SLC8A3: variants seen among roughly 807,000 people sequenced by gnomAD.
The protein encoded by SLC8A3 is solute carrier family 8 member A3, also known as sodium/calcium exchanger 3.
In SLC8A3, 37 loss-of-function variants were observed where a neutral mutation model predicts 65.4. The observed-to-expected ratio is 0.57, with a 90% CI of 0.44 to 0.74. The LOEUF (loss-of-function observed/expected upper bound fraction) is 0.74. SLC8A3 is among the 30% of genes least tolerant of loss of function. SLC8A3 has a pLI of 0.00. For missense variants in SLC8A3, 1,112 were observed against 1,172.1 expected, an observed-to-expected ratio of 0.95 and a Z score of 0.75; for synonymous variants, 461 against 444.5, an observed-to-expected ratio of 1.04 and a Z score of -0.47.
intron 2 of SLC8A3, among the ~76,000 whole-genome samples, chr14:70,147,185 T>C (rs1459510756): frequency 6.6e-6 from 1 of 152,092 alleles, no homozygotes; most frequent in African/African-American, 2.4e-5. Context: ...GCAGGATAGG[T>C]GAAAAACAAA....
At chr14:70,180,235 C>G (rs1206164615) in intron 1 of SLC8A3, among the ~76,000 whole-genome samples, 2 of 152,156 alleles carry the variant, frequency 1.3e-5, no homozygotes, top group Non-Finnish European at 2.9e-5. Context: ...TCTCCAGAAG[C>G]CAGATGTATT....
intron 2 of SLC8A3, among the ~76,000 whole-genome samples, chr14:70,118,621 G>A (rs1364012726): frequency 5.9e-5 from 9 of 152,198 alleles, no homozygotes; most frequent in Admixed American, 5.9e-4. Flanking sequence ...CACATAAAAT[G>A]AGAAATCCTT....
At chr14:70,098,634 TG>T (rs1475690345) in intron 2 of SLC8A3, among the ~76,000 whole-genome samples, 1 of 152,144 alleles carries the variant, frequency 6.6e-6, no homozygotes, top group Non-Finnish European at 1.5e-5. Context: ...CTGCACCCAC[TG>T]GGGACAGTCA....
intron 3 of SLC8A3, among the ~76,000 whole-genome samples, chr14:70,053,512 G>A (rs1398515293): frequency 6.6e-6 from 1 of 152,118 alleles, no homozygotes; most frequent in Non-Finnish European, 1.5e-5. Context: ...TCTTAGCAGC[G>A]ACAGTATTAT....
chr14:70,169,170 T>TC (rs1162835834), intron 1 of SLC8A3, among the ~76,000 whole-genome samples: 2 of 152,048 alleles, frequency 1.3e-5, no homozygotes, highest in Admixed American at 1.3e-4. Flanking sequence ...AAAACTGAGC[T>TC]CCCTTGGAAA....
intron 2 of SLC8A3, among the ~76,000 whole-genome samples, chr14:70,123,740 G>A (rs533554387): frequency 3.3e-5 from 5 of 152,232 alleles, no homozygotes; most frequent in African/African-American, 9.6e-5. Context: ...GTGAGCCACC[G>A]TGCCCAGCCC....
At chr14:70,155,522 G>A (rs545416354) in intron 2 of SLC8A3, among the ~76,000 whole-genome samples, 9 of 152,158 alleles carry the variant, frequency 5.9e-5, no homozygotes, top group South Asian at 2.1e-4. Flanking sequence ...CTCTGTGTTC[G>A]CGGGTAAATT....
At chr14:70,089,762 T>C (rs530940210) in intron 2 of SLC8A3, among the ~76,000 whole-genome samples, 1 of 152,290 alleles carries the variant, frequency 6.6e-6, no homozygotes, top group South Asian at 2.1e-4. Context: ...TTTCATGCAA[T>C]ATGATGCTTG....
At chr14:70,129,367 A>T (rs1041020423) in intron 2 of SLC8A3, among the ~76,000 whole-genome samples, 1 of 152,192 alleles carries the variant, frequency 6.6e-6, no homozygotes, top group Non-Finnish European at 1.5e-5. Context: ...AGTTACCATT[A>T]TGGTAGTAGC....
chr14:70,180,684 C>G (rs1417051158), intron 1 of SLC8A3, among the ~76,000 whole-genome samples: 1 of 152,182 alleles, frequency 6.6e-6, no homozygotes, highest in Non-Finnish European at 1.5e-5. Flanking sequence ...CTACATGGCT[C>G]TAAACACATC....
chr14:70,077,817 T>G (rs1318519907), intron 2 of SLC8A3, among the ~76,000 whole-genome samples: 1 of 152,246 alleles, frequency 6.6e-6, no homozygotes, highest in Non-Finnish European at 1.5e-5. Context: ...TTTACTCTTT[T>G]GCCTGGGCAG....
Position 70,051,012 on chromosome 14 carries a change from A to T in SLC8A3, c.2109T>A (p.Ser703Arg). The change falls in exon 5 of 7, where the codon AGT (serine) becomes AGA (arginine). Residue 703 changes from serine (S) to arginine (R), a missense_variant. Transcript: ENST00000356921. Reference sequence around the variant, plus strand: ...CCAGCCTGAGACACTTCTCACCTGCACTGACGGTGATGGCCTCCATGAACT... The same window carrying T: ...CCAGCCTGAGACACTTCTCACCTGCTCTGACGGTGATGGCCTCCATGAACT... ...RDQFMEAITV[S>R]AAGDEDEDES... 6.2e-7 allele frequency: 1 copy of T among 1,607,404 alleles called. No homozygotes were observed. Among genetic ancestry groups the T allele is most frequent in the Non-Finnish European group, 8.5e-7 (1 of 1,173,984 alleles).
intron 1 of SLC8A3, among the ~76,000 whole-genome samples, chr14:70,171,560 G>T (rs1010337503): frequency 9.2e-5 from 14 of 152,190 alleles, no homozygotes; most frequent in African/African-American, 2.7e-4. Flanking sequence ...CAGCACTTTG[G>T]AAGGTTGAGA....
chr14:70,092,045 T>TCTA (rs1891837530), intron 2 of SLC8A3, among the ~76,000 whole-genome samples: 1 of 152,200 alleles, frequency 6.6e-6, no homozygotes, highest in Admixed American at 6.5e-5. Context: ...TTGATTCTAT[T>TCTA]CTAAAGAAAT....
chr14:70,076,571 C>T (rs1176061292), intron 2 of SLC8A3, among the ~76,000 whole-genome samples: 1 of 152,206 alleles, frequency 6.6e-6, no homozygotes, highest in Non-Finnish European at 1.5e-5. Context: ...TGCTGAGGCA[C>T]ACACTTGGCT....
chr14:70,119,054 G>A (rs1312245852), intron 2 of SLC8A3, among the ~76,000 whole-genome samples: 2 of 152,106 alleles, frequency 1.3e-5, no homozygotes, highest in African/African-American at 4.8e-5. Flanking sequence ...ACAGGACACT[G>A]CTCAGTAAAG....
chr14:70,170,314 A>G (rs540679977), intron 1 of SLC8A3, among the ~76,000 whole-genome samples: 1 of 152,200 alleles, frequency 6.6e-6, no homozygotes, highest in African/African-American at 2.4e-5. Context: ...CTCTTGGATT[A>G]TACCAAGTGA....
chr14:70,175,560 C>T (rs911582486), intron 1 of SLC8A3, among the ~76,000 whole-genome samples: 3 of 152,070 alleles, frequency 2.0e-5, no homozygotes, highest in Non-Finnish European at 4.4e-5. Flanking sequence ...CCCGAAAATG[C>T]ATCTTCCTCT....
At chr14:70,159,622 TA>T (rs1010271415) in intron 2 of SLC8A3, among the ~76,000 whole-genome samples, 23 of 152,206 alleles carry the variant, frequency 1.5e-4, no homozygotes, top group African/African-American at 5.5e-4. Flanking sequence ...CCTCCTCATT[TA>T]CCTGCCTTGC....
Sources: gnomAD v4.1 joint callset for allele counts (sites outside exome capture counted in the v4.1 genomes callset) on GRCh38, gnomAD v4.1.1 for gene constraint, MANE v1.5 for transcripts, NCBI Gene and HGNC (gene_info 2026-07-23, HGNC 2026-07-21) for gene names.